The following ITCH variants were observed in gnomAD, a reference collection of about 807,000 sequenced individuals.
The protein encoded by ITCH is E3 ubiquitin-protein ligase Itchy homolog.
ITCH carries 28 observed loss-of-function variants against 126.8 expected under a neutral mutation model. The observed-to-expected ratio is 0.22, with a 90% CI of 0.16 to 0.30. ITCH has a LOEUF of 0.30. Among genes scored for constraint, ITCH ranks in the 10% least tolerant of loss-of-function variants. ITCH has a pLI of 1.00. For missense variants in ITCH, 631 were observed against 1,032.4 expected (o/e 0.61, Z 5.33); for synonymous variants, 342 against 340.0 (o/e 1.01, Z -0.06).
intron 14 of ITCH, among the ~76,000 whole-genome samples, chr20:34,464,456 C>T (rs1002158881): frequency 2.6e-5 from 4 of 151,544 alleles, no homozygotes; most frequent in Admixed American, 2.0e-4. Flanking sequence ...CCTCCCGAGT[C>T]GCTGGGATTA....
At chr20:34,401,873 C>CAT (rs1416388163) in intron 3 of ITCH, among the ~76,000 whole-genome samples, 4 of 152,012 alleles carry the variant, frequency 2.6e-5, no homozygotes, top group Non-Finnish European at 5.9e-5. Context: ...TTTAAAAATA[C>CAT]ATATATATAT....
Position 34,511,382 on chromosome 20 carries a change from T to C in ITCH, c.*3588T>C, listed in dbSNP as rs185667767. The C allele has an allele frequency of 7.2e-5, 11 of 152,320 alleles. No individual in the cohort carries two copies. The East Asian group carries it at 2.1e-3, about 29-fold the overall frequency. 9.4% of individuals were successfully genotyped at this position (152,320 alleles called of 1,614,324 possible). A position where few individuals can be genotyped will look rare whatever the true frequency, so the allele number is the denominator to read the frequency against. ...GTAAGACTGTTTATAATTAAACTTT[T>C]TTGGTCCTTCATTTGCATGCTTTTC... On this transcript the variant is annotated 3_prime_UTR_variant, in exon 25 of 25. Coordinates refer to ENST00000374864, the MANE Select transcript of ITCH (RefSeq NM_031483.7).
intron 20 of ITCH, among the ~76,000 whole-genome samples, chr20:34,488,542 G>A (rs890685828): frequency 2.0e-5 from 3 of 151,850 alleles, no homozygotes; most frequent in Admixed American, 1.3e-4. Flanking sequence ...TGAAACCCCC[G>A]TCTCTACTAA....
At chr20:34,423,684 A>G (rs1981108353) in intron 6 of ITCH, among the ~76,000 whole-genome samples, 1 of 151,904 alleles carries the variant, frequency 6.6e-6, no homozygotes, top group African/African-American at 2.4e-5. Context: ...GCTCACTGAA[A>G]TTTCTGCCTC....
chr20:34,367,949 G>T (rs1384132399), intron 1 of ITCH, among the ~76,000 whole-genome samples: 1 of 152,132 alleles, frequency 6.6e-6, no homozygotes, highest in Non-Finnish European at 1.5e-5. Flanking sequence ...CTAGAAGTAA[G>T]TTTTGTTATA....
At chr20:34,497,640 A>G (rs935292178) in intron 23 of ITCH, among the ~76,000 whole-genome samples, 7 of 151,988 alleles carry the variant, frequency 4.6e-5, no homozygotes, top group Non-Finnish European at 1.0e-4. Context: ...GTGCAGTGGC[A>G]CATTCTCAGT....
chr20:34,384,252 CA>C (rs2078364883), intron 2 of ITCH: 1 of 123,162 alleles, frequency 8.1e-6, no homozygotes, highest in African/African-American at 3.3e-5. Context: ...ACCAGTGCAG[CA>C]GTTGGACCAG....
rs60619641 is a variant in ITCH at position 34,496,803 on chromosome 20, C to CA, written c.2416+4224dup. On this transcript the variant is annotated intron_variant, in intron 23 of 24. Coordinates refer to ENST00000374864, the MANE Select transcript of ITCH (RefSeq NM_031483.7). ...GGGCAAGAAGAGCAACACTCCATCT[C>CA]AAAAAAAAAAAAAAAAAAGAAAAGA... Among the ~76,000 whole-genome samples the CA allele has an allele frequency of 3.3e-3, 331 of 99,258 alleles. 2 individuals are homozygous for CA. The highest frequency in any genetic ancestry group is 9.5e-3 in the East Asian group (32 of 3,372). 65.1% of individuals were successfully genotyped at this position (99,258 alleles called of 152,430 possible). A position where few individuals can be genotyped will look rare whatever the true frequency, so the allele number is the denominator to read the frequency against.
chr20:34,448,472 A>T (rs532350496), intron 11 of ITCH, among the ~76,000 whole-genome samples: 1 of 152,202 alleles, frequency 6.6e-6, no homozygotes, highest in African/African-American at 2.4e-5. Flanking sequence ...ATAATGTTTG[A>T]TTTTCGCTTC....
intron 2 of ITCH, among the ~76,000 whole-genome samples, chr20:34,391,550 TTAATA>T (rs1195315036): frequency 6.6e-6 from 1 of 152,220 alleles, no homozygotes; most frequent in African/African-American, 2.4e-5. Flanking sequence ...AATATGTGAT[TTAATA>T]TATGAATATG....
intron 3 of ITCH, among the ~76,000 whole-genome samples, chr20:34,400,646 CTT>C (rs760416482): frequency 7.5e-5 from 9 of 120,008 alleles, no homozygotes; most frequent in Admixed American, 1.9e-4. Flanking sequence ...AAAAATTTTT[CTT>C]TTTTTTTTTT....
intron 3 of ITCH, among the ~76,000 whole-genome samples, chr20:34,401,961 G>A (rs1029974957): frequency 6.6e-6 from 1 of 152,078 alleles, no homozygotes; most frequent in South Asian, 2.1e-4. Flanking sequence ...CTAGTACTGG[G>A]CTAGGGATAC....
chr20:34,445,210 C>T (rs1188516801), intron 10 of ITCH, 77 bp from the exon 11 acceptor site: 57 of 1,514,840 alleles, frequency 3.8e-5, no homozygotes, highest in Non-Finnish European at 5.1e-5. Flanking sequence ...AAAGTAGTTT[C>T]TCAAGGTAAA....
intron 7 of ITCH, among the ~76,000 whole-genome samples, chr20:34,437,354 G>A (rs1207267454): frequency 6.6e-6 from 1 of 152,118 alleles, no homozygotes; most frequent in African/African-American, 2.4e-5. Context: ...CTCCCAGGTT[G>A]GAGTGCAGTG....
At chr20:34,451,688 C>G (rs1471296449) in intron 12 of ITCH, among the ~76,000 whole-genome samples, 1 of 152,064 alleles carries the variant, frequency 6.6e-6, no homozygotes, top group Non-Finnish European at 1.5e-5. Context: ...AGCTTTATTT[C>G]TAGAGTTGTA....
chr20:34,408,806 T>C lies in ITCH; in HGVS notation c.212+14T>C. On this transcript the variant is annotated intron_variant, in intron 4 of 24. Coordinates refer to ENST00000374864, the MANE Select transcript of ITCH (RefSeq NM_031483.7). ...ACCCCTTACAGTGTAAGCTTGGAAGTATTTTTCTGTAGTATGTTTTGTTTA... is the reference window on the plus strand; with the variant it reads ...ACCCCTTACAGTGTAAGCTTGGAAGCATTTTTCTGTAGTATGTTTTGTTTA... 6.2e-7 allele frequency: 1 copy of C among 1,612,878 alleles called. No homozygotes were observed.
At chr20:34,371,476 G>T (rs567278355) in intron 2 of ITCH, among the ~76,000 whole-genome samples, 1 of 151,438 alleles carries the variant, frequency 6.6e-6, no homozygotes. Context: ...TAGAGACGGG[G>T]TTTCACCACA....
chr20:34,500,858 C>A (rs1990202728), intron 23 of ITCH, among the ~76,000 whole-genome samples: 2 of 151,838 alleles, frequency 1.3e-5, no homozygotes, highest in Non-Finnish European at 2.9e-5. Context: ...TATATTAATA[C>A]TTTTTGTGTA....
chr20:34,431,032 A>G (rs1169206193), intron 7 of ITCH, among the ~76,000 whole-genome samples: 1 of 152,168 alleles, frequency 6.6e-6, no homozygotes, highest in African/African-American at 2.4e-5. Flanking sequence ...GGAAAAATGT[A>G]AAATTGCCTG....
Sources: gnomAD v4.1 joint callset for allele counts (sites outside exome capture counted in the v4.1 genomes callset) on GRCh38, gnomAD v4.1.1 for gene constraint, MANE v1.5 for transcripts, NCBI Gene and HGNC (gene_info 2026-07-23, HGNC 2026-07-21) for gene names.